CDYL2: variants seen among roughly 807,000 people sequenced by gnomAD.
CDYL2 encodes the protein chromodomain Y like 2.
CDYL2 carries 23 observed loss-of-function variants against 49.4 expected under a neutral mutation model. The ratio of observed to expected loss-of-function variants is 0.47; its 90% CI spans 0.34 to 0.66. The LOEUF (loss-of-function observed/expected upper bound fraction) is 0.66. CDYL2 is among the 30% of genes least tolerant of loss of function. The pLI, the probability that CDYL2 is intolerant of heterozygous loss-of-function variation, is 0.01. For missense variants in CDYL2, 678 were observed against 656.4 expected, an observed-to-expected ratio of 1.03 and a Z score of -0.36; for synonymous variants, 360 against 268.8, an observed-to-expected ratio of 1.34 and a Z score of -3.32.
intron 2 of CDYL2, among the ~76,000 whole-genome samples, chr16:80,640,066 A>G (rs1299288644): frequency 6.6e-6 from 1 of 152,074 alleles, no homozygotes; most frequent in Non-Finnish European, 1.5e-5. Flanking sequence ...TCCAAGGCCA[A>G]TCCTAGTCCC....
At chr16:80,683,562 C>A (rs12447921) in intron 2 of CDYL2, among the ~76,000 whole-genome samples, 5 of 148,854 alleles carry the variant, frequency 3.4e-5, no homozygotes, top group African/African-American at 1.0e-4. Context: ...GGCTGCCAAT[C>A]GAAAGAATTA....
intron 3 of CDYL2, 114 bp downstream of exon 3, chr16:80,632,901 TGCAC>T (rs1214691687): frequency 6.3e-6 from 6 of 952,592 alleles, no homozygotes; most frequent in Non-Finnish European, 9.6e-6. Flanking sequence ...CAAGTTTTTA[TGCAC>T]GCTAGTTACC....
chr16:80,680,500 T>A (rs145149231), intron 2 of CDYL2, among the ~76,000 whole-genome samples: 98 of 152,254 alleles, frequency 6.4e-4, no homozygotes, highest in African/African-American at 2.2e-3. Context: ...AGAACACTGA[T>A]GCTTTGGCCT....
intron 1 of CDYL2, among the ~76,000 whole-genome samples, chr16:80,782,488 C>G (rs1204262919): frequency 1.5e-5 from 2 of 136,274 alleles, no homozygotes; most frequent in Non-Finnish European, 3.1e-5. Flanking sequence ...CTCATTTTAT[C>G]AGGCCAGCAC....
chr16:80,730,634 G>T (rs911981490), intron 1 of CDYL2, among the ~76,000 whole-genome samples: 1 of 152,052 alleles, frequency 6.6e-6, no homozygotes, highest in African/African-American at 2.4e-5. Context: ...CCAAAGCCGG[G>T]CAGAGACACA....
intron 2 of CDYL2, among the ~76,000 whole-genome samples, chr16:80,638,264 A>G (rs1316652005): frequency 6.6e-6 from 1 of 152,138 alleles, no homozygotes; most frequent in Non-Finnish European, 1.5e-5. Flanking sequence ...CGCAGAGAAC[A>G]GGGTCTCACT....
chr16:80,762,321 GAAGA>G (rs911947946), intron 1 of CDYL2, among the ~76,000 whole-genome samples: 10 of 152,226 alleles, frequency 6.6e-5, no homozygotes, highest in Non-Finnish European at 1.5e-4. Flanking sequence ...GCAAGGAAGA[GAAGA>G]AAGAACGTAA....
chr16:80,627,779 A>G (rs950561943), intron 3 of CDYL2: 3 of 152,232 alleles, frequency 2.0e-5, no homozygotes, highest in Non-Finnish European at 4.4e-5. Context: ...ATGTGATTCT[A>G]TAACAAATAG....
At chr16:80,619,125 C>T (rs749606955) in intron 4 of CDYL2, among the ~76,000 whole-genome samples, 10 of 152,138 alleles carry the variant, frequency 6.6e-5, no homozygotes, top group South Asian at 2.1e-4. Context: ...CATGACTCTA[C>T]GCTCTCCCTT....
chr16:80,663,757 T>A (rs1909146026), intron 2 of CDYL2, among the ~76,000 whole-genome samples: 1 of 152,182 alleles, frequency 6.6e-6, no homozygotes, highest in African/African-American at 2.4e-5. Context: ...CACACCCAGC[T>A]AATTTTTGTA....
At chr16:80,732,735 T>C (rs1003228981) in intron 1 of CDYL2, among the ~76,000 whole-genome samples, 2 of 152,166 alleles carry the variant, frequency 1.3e-5, no homozygotes, top group Admixed American at 1.3e-4. Context: ...TTACATGAGA[T>C]TTGAAGATGA....
chr16:80,755,890 T>G (rs954054214), intron 1 of CDYL2, among the ~76,000 whole-genome samples: 3 of 152,214 alleles, frequency 2.0e-5, no homozygotes, highest in East Asian at 3.8e-4. Context: ...TACTTTCTGC[T>G]GAATTTTTCT....
At chr16:80,651,322 A>G (rs1908573614) in intron 2 of CDYL2, among the ~76,000 whole-genome samples, 1 of 152,244 alleles carries the variant, frequency 6.6e-6, no homozygotes, top group Non-Finnish European at 1.5e-5. Flanking sequence ...AATGCGTATT[A>G]CTAAGTTAGG....
chr16:80,726,287 C>T lies in CDYL2; in HGVS notation c.25-41158G>A, dbSNP rs184287435. On this transcript the variant is annotated intron_variant, in intron 1 of 6. Coordinates refer to ENST00000570137, the MANE Select transcript of CDYL2 (RefSeq NM_152342.4). ...CCATAGGTTTTCTCCCAGTAAGAAG[C>T]ATTTGTTTTTAAAACCAACAATGAA... 1.6e-4 allele frequency among the ~76,000 whole-genome samples: 25 copies of T among 152,268 alleles called. 1 individual carries two copies. The highest frequency in any genetic ancestry group is 8.5e-4 in the Admixed American group (13 of 15,294).
intron 1 of CDYL2, among the ~76,000 whole-genome samples, chr16:80,778,862 G>C (rs994676173): frequency 6.6e-6 from 1 of 151,910 alleles, no homozygotes; most frequent in Admixed American, 6.6e-5. Flanking sequence ...ATGACAAATC[G>C]GACATTTCAA....
intron 1 of CDYL2, among the ~76,000 whole-genome samples, chr16:80,796,571 TC>T: frequency 6.6e-6 from 1 of 152,184 alleles, no homozygotes; most frequent in East Asian, 1.9e-4. Flanking sequence ...ATGAAACACA[TC>T]TGTTATATGT....
chr16:80,679,209 A>T (rs941725432), intron 2 of CDYL2, among the ~76,000 whole-genome samples: 4 of 151,988 alleles, frequency 2.6e-5, no homozygotes, highest in African/African-American at 9.7e-5. Flanking sequence ...ACATGTATAC[A>T]TATGTAACTA....
chr16:80,723,824 G>T (rs1282950478), intron 1 of CDYL2, among the ~76,000 whole-genome samples: 1 of 152,006 alleles, frequency 6.6e-6, no homozygotes, highest in Admixed American at 6.6e-5. Context: ...GCCAATTCCT[G>T]CTGAAGAAGA....
intron 1 of CDYL2, among the ~76,000 whole-genome samples, chr16:80,739,664 G>A (rs1250166699): frequency 9.2e-5 from 14 of 152,012 alleles, no homozygotes; most frequent in South Asian, 2.1e-4. Flanking sequence ...CATCCACACC[G>A]CCACCCACAC....
Sources: allele counts gnomAD v4.1 joint callset (sites outside exome capture counted in the v4.1 genomes callset), GRCh38; gene constraint gnomAD v4.1.1; transcripts MANE v1.5; gene names NCBI Gene and HGNC (gene_info 2026-07-23, HGNC 2026-07-21).